SLC16A7: variants seen among roughly 807,000 people sequenced by gnomAD.
SLC16A7 encodes monocarboxylate transporter 2.
Under a neutral mutation model 34.9 loss-of-function variants are expected in SLC16A7, and 33 were observed. The observed-to-expected ratio is 0.94, with a 90% CI of 0.72 to 1.26. The LOEUF (loss-of-function observed/expected upper bound fraction) is 1.26, where lower values mean the gene tolerates loss of function less well. SLC16A7 is among the 50% of genes most tolerant of loss of function. The pLI is 0.00. For missense variants in SLC16A7, 573 were observed against 578.1 expected, an observed-to-expected ratio of 0.99 and a Z score of 0.09; for synonymous variants, 201 against 206.6, an observed-to-expected ratio of 0.97 and a Z score of 0.23.
At chr12:59,695,247 C>G (rs1465274765) in intron 2 of SLC16A7, among the ~76,000 whole-genome samples, 1 of 151,860 alleles carries the variant, frequency 6.6e-6, no homozygotes. Context: ...TTCTCCCTGC[C>G]AGAGGAAATA....
chr12:59,777,623 T>A (rs1882885916), intron 5 of SLC16A7, among the ~76,000 whole-genome samples: 1 of 151,814 alleles, frequency 6.6e-6, no homozygotes, highest in Non-Finnish European at 1.5e-5. Context: ...AATTATTATT[T>A]AATCCTTAAA....
chr12:59,784,281 G>C lies in SLC16A7; in HGVS notation c.*4602G>C, dbSNP rs1422549392. 6.6e-6 allele frequency: 1 copy of C among 152,008 alleles called. No individual in the cohort carries two copies. The highest frequency in any genetic ancestry group is 1.5e-5 in the Non-Finnish European group (1 of 68,026). The allele number at this position is 152,008 out of a possible 1,614,324, so 9.4% of individuals were successfully genotyped here. A position where few individuals can be genotyped will look rare whatever the true frequency, so the allele number is the denominator to read the frequency against. On this transcript the variant is annotated 3_prime_UTR_variant, in exon 6 of 6. Coordinates refer to ENST00000547379, the MANE Select transcript of SLC16A7 (RefSeq NM_001270623.2). ...AGCTACTCGGGAGGCTGAGACGAGAGGGTCATTTGAGCCCAGGAAGTTGAG... is the reference window on the plus strand; with the variant it reads ...AGCTACTCGGGAGGCTGAGACGAGACGGTCATTTGAGCCCAGGAAGTTGAG...
chr12:59,627,168 A>G (rs1451645018), intron 1 of SLC16A7, among the ~76,000 whole-genome samples: 1 of 151,840 alleles, frequency 6.6e-6, no homozygotes, highest in Admixed American at 6.6e-5. Context: ...CGCTTTATAC[A>G]TTGACCTGGA....
In SLC16A7 at chr12:59,674,456, A is replaced by G. The variant is rs533081682; in HGVS notation, c.-31+19206A>G. 1.8e-3 allele frequency among the ~76,000 whole-genome samples: 274 copies of G among 152,322 alleles called. 1 individual carries two copies. Among genetic ancestry groups the G allele is most frequent in the African/African-American group, 6.3e-3 (262 of 41,574 alleles). ...ATAGAACTATTTAAGGTGACAGGTA[A>G]TCCATATCACTAGGTTCAAGGAGCT... On this transcript the variant is annotated intron_variant, in intron 2 of 5. Transcript: ENST00000547379.
chr12:59,768,178 C>G (rs1327614443), intron 3 of SLC16A7: 2 of 455,588 alleles, frequency 4.4e-6, no homozygotes, highest in Non-Finnish European at 8.8e-6. Context: ...GATGGAAAAT[C>G]TTCTGGAAAG....
At chr12:59,634,839 A>G (rs570075860) in intron 1 of SLC16A7, among the ~76,000 whole-genome samples, 1 of 152,004 alleles carries the variant, frequency 6.6e-6, no homozygotes, top group Non-Finnish European at 1.5e-5. Flanking sequence ...GAGGGAAATG[A>G]TTTATTTCTT....
At chr12:59,601,949 C>G (rs1592377860) in intron 1 of SLC16A7, among the ~76,000 whole-genome samples, 1 of 152,106 alleles carries the variant, frequency 6.6e-6, no homozygotes, top group East Asian at 1.9e-4. Flanking sequence ...ACATTAAGTC[C>G]GTAACAATGA....
rs544277354 is a variant in SLC16A7, at chr12:59,741,658, A to G, written c.218-29561A>G. ...TCTTTCAAGAAGCAAGGAAACATCA[A>G]TTTGAATCTGAAGAAAATTCACGGG... is the stretch of plus-strand genomic sequence containing the variant. On this transcript the variant is annotated intron_variant, in intron 3 of 5. Coordinates refer to ENST00000547379, the MANE Select transcript of SLC16A7 (RefSeq NM_001270623.2). 3.3e-5 allele frequency among the ~76,000 whole-genome samples: 5 copies of G among 152,330 alleles called. No homozygotes were observed. In the East Asian group the frequency reaches 5.8e-4, roughly 18 times the overall value.
intron 3 of SLC16A7, among the ~76,000 whole-genome samples, chr12:59,707,984 T>G (rs1248172802): frequency 6.6e-6 from 1 of 152,138 alleles, no homozygotes; most frequent in Non-Finnish European, 1.5e-5. Flanking sequence ...AATATAGATC[T>G]TACACGTTTA....
intron 1 of SLC16A7, among the ~76,000 whole-genome samples, chr12:59,620,603 GA>G (rs1334370335): frequency 6.6e-6 from 1 of 151,814 alleles, no homozygotes; most frequent in African/African-American, 2.4e-5. Context: ...TTTCATCCTC[GA>G]GACAGCAGGA....
chr12:59,691,743 A>G (rs903885023), intron 2 of SLC16A7, among the ~76,000 whole-genome samples: 4 of 152,040 alleles, frequency 2.6e-5, no homozygotes, highest in African/African-American at 4.8e-5. Context: ...AAATCTGCCT[A>G]TTCATTTTAT....
intron 3 of SLC16A7, among the ~76,000 whole-genome samples, chr12:59,759,383 G>C (rs1880767010): frequency 6.6e-6 from 1 of 151,822 alleles, no homozygotes; most frequent in African/African-American, 2.4e-5. Context: ...TCATATTTAT[G>C]GGCATTTTTC....
At chr12:59,758,596 A>G (rs747606580) in intron 3 of SLC16A7, among the ~76,000 whole-genome samples, 3 of 152,070 alleles carry the variant, frequency 2.0e-5, no homozygotes, top group Admixed American at 6.6e-5. Context: ...AAAGAGATAG[A>G]CCCAGCAGAA....
intron 1 of SLC16A7, among the ~76,000 whole-genome samples, chr12:59,603,556 T>C (rs1181095054): frequency 6.6e-6 from 1 of 152,200 alleles, no homozygotes; most frequent in African/African-American, 2.4e-5. Flanking sequence ...CAAATTTTCC[T>C]CTGACACCTC....
intron 1 of SLC16A7, among the ~76,000 whole-genome samples, chr12:59,602,485 T>A (rs899132827): frequency 1.4e-5 from 2 of 143,390 alleles, no homozygotes; most frequent in Admixed American, 6.9e-5. Context: ...TGGGCTTTTT[T>A]TTTTTTTTTT....
At chr12:59,620,105 G>A (rs1339531140) in intron 1 of SLC16A7, among the ~76,000 whole-genome samples, 1 of 151,832 alleles carries the variant, frequency 6.6e-6, no homozygotes, top group Non-Finnish European at 1.5e-5. Flanking sequence ...ACAACACTCT[G>A]CAGCTGAGTT....
chr12:59,698,376 A>T (rs1203182468), intron 2 of SLC16A7, among the ~76,000 whole-genome samples: 2 of 151,770 alleles, frequency 1.3e-5, no homozygotes, highest in Non-Finnish European at 3.0e-5. Context: ...CACATTGAAT[A>T]TACATATATA....
chr12:59,775,523 C>A (rs1364230643), intron 5 of SLC16A7, 48 bp downstream of exon 5: 2 of 1,379,608 alleles, frequency 1.4e-6, no homozygotes, highest in Non-Finnish European at 2.0e-6. Context: ...AAATTAATAT[C>A]CATTAACGGA....
intron 3 of SLC16A7, chr12:59,761,177 C>T: frequency 1.6e-6 from 2 of 1,281,270 alleles, no homozygotes; most frequent in South Asian, 1.2e-5. Flanking sequence ...TTCAGTGCAG[C>T]TTTACTCAAT....
Sources: allele counts gnomAD v4.1 joint callset (sites outside exome capture counted in the v4.1 genomes callset), GRCh38; gene constraint gnomAD v4.1.1; transcripts MANE v1.5; gene names NCBI Gene and HGNC (gene_info 2026-07-23, HGNC 2026-07-21).